The following USP53 variants were observed in gnomAD, a reference collection of about 807,000 sequenced individuals.
USP53 encodes ubiquitin carboxyl-terminal hydrolase 53.
In USP53, 71 loss-of-function variants were observed where a neutral mutation model predicts 94.9. That is an observed-to-expected ratio of 0.75 (90% CI 0.62 to 0.91). USP53 has a LOEUF of 0.91. Among genes scored for constraint, USP53 ranks in the 40% least tolerant of loss-of-function variants. The pLI, the probability that USP53 is intolerant of heterozygous loss-of-function variation, is 0.00. For missense variants in USP53, 1,173 were observed against 1,281.0 expected (o/e 0.92, Z 1.29); for synonymous variants, 375 against 422.7 (o/e 0.89, Z 1.39).
rs1165772496 is a variant in USP53 at position 119,294,759 on chromosome 4, C to G, written c.*1548C>G. ...CTTCACCCAGTTACCAAGTCTTGGC[C>G]AAATTTTATCTTCTGCCTATAGTTT... On this transcript the variant is annotated 3_prime_UTR_variant, in exon 19 of 19. Transcript: ENST00000692078. The G allele has an allele frequency of 6.6e-6, 1 of 152,068 alleles. No individual in the cohort carries two copies. The highest frequency in any genetic ancestry group is 1.5e-5 in the Non-Finnish European group (1 of 67,954). The allele number at this position is 152,068 out of a possible 1,614,324, so 9.4% of individuals were successfully genotyped here.
At chr4:119,289,782 T>C (rs1434578896) in intron 17 of USP53, among the ~76,000 whole-genome samples, 1 of 152,214 alleles carries the variant, frequency 6.6e-6, no homozygotes, top group African/African-American at 2.4e-5. Context: ...TTCTCAGATA[T>C]AAAGCACTTG....
intron 15 of USP53, among the ~76,000 whole-genome samples, chr4:119,270,565 A>G (rs1268099503): frequency 4.6e-5 from 7 of 152,280 alleles, no homozygotes; most frequent in Admixed American, 1.3e-4. Flanking sequence ...AGTAATAAGG[A>G]AGTTTATAAA....
At chr4:119,255,908 C>T (rs1228871779) in intron 7 of USP53, among the ~76,000 whole-genome samples, 4 of 152,262 alleles carry the variant, frequency 2.6e-5, no homozygotes, top group Admixed American at 6.5e-5. Context: ...TCTGTTTTTT[C>T]TTCATTTGAG....
intron 4 of USP53, among the ~76,000 whole-genome samples, chr4:119,237,292 T>C (rs1231754884): frequency 6.6e-6 from 1 of 152,166 alleles, no homozygotes; most frequent in Non-Finnish European, 1.5e-5. Flanking sequence ...GCCCTAGAAT[T>C]TTCAGAATGG....
chr4:119,227,256 TACAC>T (rs3138727), intron 3 of USP53, among the ~76,000 whole-genome samples: 6,402 of 125,050 alleles, frequency 0.051, 187 homozygotes, highest in South Asian at 0.13. Context: ...TGTCTAACAC[TACAC>T]ACACACACAC....
At chr4:119,214,378 G>A (rs1189240300) in intron 2 of USP53, among the ~76,000 whole-genome samples, 156 bp downstream of exon 2, 1 of 151,986 alleles carries the variant, frequency 6.6e-6, no homozygotes, top group African/African-American at 2.4e-5. Context: ...TAATGAAACT[G>A]GGAGGTTTGT....
At chr4:119,223,221 A>G (rs1331480890) in intron 3 of USP53, among the ~76,000 whole-genome samples, 1 of 152,212 alleles carries the variant, frequency 6.6e-6, no homozygotes, top group Non-Finnish European at 1.5e-5. Flanking sequence ...TGGCACCTGG[A>G]GATTTTTGTA....
intron 17 of USP53, among the ~76,000 whole-genome samples, chr4:119,288,938 C>CAAAA (rs35580805): frequency 9.3e-6 from 1 of 107,028 alleles, no homozygotes; most frequent in Non-Finnish European, 1.9e-5. Context: ...AACTCTGTCT[C>CAAAA]AAAAAAAAAA....
Position 119,271,936 on chromosome 4 carries a change from T to A in USP53, c.2076T>A (p.Asp692Glu). 6.2e-7 allele frequency: 1 copy of A among 1,614,158 alleles called. No homozygotes were observed. The highest frequency in any genetic ancestry group is 1.1e-5 in the South Asian group (1 of 91,088). ...CTGAGTCTGGATATGAAAGCAGTGATCACATCAGTAATGGTTCTACTAATT... is the reference window on the plus strand; with the variant it reads ...CTGAGTCTGGATATGAAAGCAGTGAACACATCAGTAATGGTTCTACTAATT... ...QRTESGYESSDHISNGSTNLD... is the reference protein window; with the variant it reads ...QRTESGYESSEHISNGSTNLD... The change falls in exon 16 of 19, where the codon GAT becomes GAA. Residue 692 changes from aspartate to glutamate, a missense_variant. By Grantham distance (45) the Asp-to-Glu change is conservative. Coordinates refer to ENST00000692078, the MANE Select transcript of USP53 (RefSeq NM_001371395.1).
chr4:119,265,362 G>A (rs974532553), intron 12 of USP53, among the ~76,000 whole-genome samples: 1 of 152,166 alleles, frequency 6.6e-6, no homozygotes, highest in Non-Finnish European at 1.5e-5. Context: ...AACAACATTT[G>A]CAGCTTCTAC....
intron 7 of USP53, among the ~76,000 whole-genome samples, chr4:119,250,729 A>G (rs2149355604): frequency 6.6e-6 from 1 of 152,346 alleles, no homozygotes; most frequent in South Asian, 2.1e-4. Flanking sequence ...CCATTGGTTA[A>G]GCTTTGGTAA....
intron 17 of USP53, among the ~76,000 whole-genome samples, chr4:119,276,490 A>G (rs1021881304): frequency 8.0e-4 from 122 of 151,840 alleles, no homozygotes; most frequent in East Asian, 3.9e-4. Flanking sequence ...GTGCTGCTGG[A>G]TTTGTTTTGC....
chr4:119,250,712 A>G (rs1308149143), intron 7 of USP53, among the ~76,000 whole-genome samples: 2 of 152,236 alleles, frequency 1.3e-5, no homozygotes, highest in African/African-American at 4.8e-5. Context: ...TAGCTAATGA[A>G]TAGAATCCAT....
intron 2 of USP53, among the ~76,000 whole-genome samples, chr4:119,216,810 T>C (rs919282042): frequency 6.6e-6 from 1 of 152,236 alleles, no homozygotes; most frequent in Non-Finnish European, 1.5e-5. Context: ...AAGTTTAATA[T>C]ATCAGTTTAA....
chr4:119,257,540 A>G (rs1403723850), intron 9 of USP53, among the ~76,000 whole-genome samples: 1 of 152,252 alleles, frequency 6.6e-6, no homozygotes, highest in Non-Finnish European at 1.5e-5. Context: ...ATGGATCAAT[A>G]ATTATCAGTC....
rs1171856012 is a variant in USP53, at chr4:119,237,554, T to TA, written c.-542-1652dup. 2.8e-3 allele frequency among the ~76,000 whole-genome samples: 380 copies of TA among 136,272 alleles called. 1 individual carries two copies. The highest frequency in any genetic ancestry group is 8.3e-3 in the African/African-American group (326 of 39,100). The allele number at this position is 136,272 out of a possible 152,430, so 89.4% of individuals were successfully genotyped here. On this transcript the variant is annotated intron_variant, in intron 4 of 18. Transcript: ENST00000692078. ...GTGTTTGAAAAAATTAAAAAATAAT[T>TA]AAAAAAAAAAAAGACAGAATCAGCC...
At chr4:119,215,014 G>A (rs1319884349) in intron 2 of USP53, among the ~76,000 whole-genome samples, 1 of 152,132 alleles carries the variant, frequency 6.6e-6, no homozygotes, top group Non-Finnish European at 1.5e-5. Context: ...CTTTTTGACA[G>A]CTTTAACTGT....
rs540687287 is a variant in USP53, at chr4:119,277,958, T to A, written c.2251+4250T>A. On this transcript the variant is annotated intron_variant, in intron 17 of 18. Transcript: ENST00000692078. Reference sequence around the variant, plus strand: ...TTTTGTTTTCCATTGGCTTGGTAGATCTTCCTCCATCCTTTTATTTTGAGC... The same window carrying A: ...TTTTGTTTTCCATTGGCTTGGTAGAACTTCCTCCATCCTTTTATTTTGAGC... Among the ~76,000 whole-genome samples the A allele has an allele frequency of 4.6e-4, 62 of 134,770 alleles. No individual in the cohort carries two copies. In the East Asian group the frequency reaches 8.9e-3, roughly 19 times the overall value. The allele number at this position is 134,770 out of a possible 152,430, so 88.4% of individuals were successfully genotyped here. A position where few individuals can be genotyped will look rare whatever the true frequency, so the allele number is the denominator to read the frequency against.
intron 5 of USP53, among the ~76,000 whole-genome samples, chr4:119,244,868 A>G (rs1462894443): frequency 1.3e-5 from 2 of 152,108 alleles, no homozygotes; most frequent in African/African-American, 4.8e-5. Context: ...GTGACCACAT[A>G]CACCTCTGCT....
Sources: allele counts gnomAD v4.1 joint callset (sites outside exome capture counted in the v4.1 genomes callset), GRCh38; gene constraint gnomAD v4.1.1; transcripts MANE v1.5; gene names NCBI Gene and HGNC (gene_info 2026-07-23, HGNC 2026-07-21).